ANXA8: variants seen among roughly 807,000 people sequenced by gnomAD.
ANXA8 encodes the protein annexin A8.
A neutral mutation model predicts 26.8 loss-of-function variants in ANXA8; 9 were observed. That is an observed-to-expected ratio of 0.34 (90% CI 0.20 to 0.59). ANXA8 has a LOEUF of 0.59. ANXA8 is among the 20% of genes least tolerant of loss of function. The probability of loss-of-function intolerance (pLI) is 0.84; values close to 1 mark genes in which losing one functional copy is unlikely to be tolerated. For missense variants in ANXA8, 83 were observed against 238.5 expected (o/e 0.35, Z 4.29); for synonymous variants, 39 against 94.8 (o/e 0.41, Z 3.42).
chr10:47,660,432 G>T, the ANXA8 span, among the ~76,000 whole-genome samples: 1 of 150,282 alleles, frequency 6.7e-6, no homozygotes, highest in Non-Finnish European at 1.5e-5. Context: ...AGACAGTCTC[G>T]TCCTGATGGC....
chr10:47,623,276 C>T, the ANXA8 span, among the ~76,000 whole-genome samples: 4 of 109,656 alleles, frequency 3.6e-5, 1 homozygote, highest in East Asian at 8.8e-4. Context: ...CCAATGTTTC[C>T]ACTTATGAGC....
chr10:47,694,344 G>C, the ANXA8 span, among the ~76,000 whole-genome samples: 1 of 150,448 alleles, frequency 6.6e-6, no homozygotes, highest in Non-Finnish European at 1.5e-5. Flanking sequence ...GTCCTAATGA[G>C]TCAGTGAACT....
At chr10:47,560,359 C>G in the ANXA8 span, among the ~76,000 whole-genome samples, 7 of 151,708 alleles carry the variant, frequency 4.6e-5, no homozygotes, top group Non-Finnish European at 1.0e-4. Context: ...TCCACAGGCT[C>G]TAAAAGAGCA....
chr10:47,661,037 A>C, the ANXA8 span, among the ~76,000 whole-genome samples: 9 of 149,616 alleles, frequency 6.0e-5, no homozygotes, highest in South Asian at 8.4e-4. Flanking sequence ...TTCACTTCCT[A>C]GCCTGTCCAT....
At chr10:47,689,495 A>G in the ANXA8 span, among the ~76,000 whole-genome samples, 1 of 151,954 alleles carries the variant, frequency 6.6e-6, no homozygotes. Flanking sequence ...TCTTTAGGTG[A>G]AAAATTTTTG....
chr10:47,700,514 A>G, the ANXA8 span, among the ~76,000 whole-genome samples: 1 of 151,756 alleles, frequency 6.6e-6, no homozygotes, highest in Non-Finnish European at 1.5e-5. Context: ...ATATGGATTA[A>G]TAGTCTAAAT....
the ANXA8 span, among the ~76,000 whole-genome samples, chr10:47,566,410 C>T: frequency 2.0e-5 from 3 of 151,668 alleles, no homozygotes; most frequent in African/African-American, 7.3e-5. Flanking sequence ...ACTTTCTTGC[C>T]ACAAACTGAG....
At chr10:47,937,503 AG>A in the ANXA8 span, among the ~76,000 whole-genome samples, 4 of 145,696 alleles carry the variant, frequency 2.7e-5, no homozygotes, top group Non-Finnish European at 6.1e-5. Context: ...GTACATGTGC[AG>A]GTTTGTTACA....
chr10:47,744,332 T>C, the ANXA8 span, among the ~76,000 whole-genome samples: 1 of 147,724 alleles, frequency 6.8e-6, no homozygotes, highest in African/African-American at 2.5e-5. Flanking sequence ...CATCACCTTC[T>C]AGCTGTGGGA....
chr10:47,971,426 A>G, the ANXA8 span, among the ~76,000 whole-genome samples: 3 of 147,746 alleles, frequency 2.0e-5, no homozygotes, highest in Non-Finnish European at 4.5e-5. Context: ...CTCCTAAATC[A>G]CAAAAACCTT....
the ANXA8 span, among the ~76,000 whole-genome samples, chr10:47,958,495 C>T: frequency 3.4e-5 from 5 of 146,720 alleles, 1 homozygote; most frequent in African/African-American, 1.3e-4. Context: ...AAAAAAGTGT[C>T]ATCTCCACCA....
the ANXA8 span, among the ~76,000 whole-genome samples, chr10:47,619,853 T>C: frequency 8.8e-6 from 1 of 113,526 alleles, no homozygotes; most frequent in Non-Finnish European, 2.0e-5. Context: ...TGAAATAAAC[T>C]TGAGATAAGA....
the ANXA8 span, chr10:47,692,549 C>G: frequency 1.5e-5 from 1 of 67,230 alleles, no homozygotes; most frequent in Non-Finnish European, 3.0e-5. Flanking sequence ...CAACCTGGAC[C>G]AGTTCACCCC....
the ANXA8 span, among the ~76,000 whole-genome samples, chr10:47,743,170 C>CAA: frequency 4.1e-4 from 15 of 36,952 alleles, no homozygotes; most frequent in African/African-American, 1.2e-3. Flanking sequence ...GACTCTGTCT[C>CAA]AAAAAAAAAA....
At chr10:47,939,053 C>T in the ANXA8 span, among the ~76,000 whole-genome samples, 21 of 145,178 alleles carry the variant, frequency 1.4e-4, no homozygotes, top group Non-Finnish European at 2.8e-4. Flanking sequence ...CTGGCCACCA[C>T]ACTCTCACTT....
the ANXA8 span, among the ~76,000 whole-genome samples, chr10:47,656,901 A>G: frequency 6.7e-6 from 1 of 149,170 alleles, no homozygotes; most frequent in African/African-American, 2.5e-5. Context: ...TAGAGAGATT[A>G]GTCAGTTGTC....
chr10:47,488,713 A>ATTTTT (rs1160121365), upstream of ANXA8, among the ~76,000 whole-genome samples: 600 of 62,126 alleles, frequency 9.7e-3, 30 homozygotes, highest in African/African-American at 0.021. Flanking sequence ...TACATGTTAA[A>ATTTTT]TTTTTTTTTT....
At chr10:47,593,835 G>T in the ANXA8 span, among the ~76,000 whole-genome samples, 1 of 145,228 alleles carries the variant, frequency 6.9e-6, no homozygotes, top group African/African-American at 2.8e-5. Flanking sequence ...TGCCAAAGGA[G>T]ATTAACATTT....
upstream of ANXA8, among the ~76,000 whole-genome samples, chr10:47,486,786 C>T (rs1266318235): frequency 2.2e-5 from 3 of 135,406 alleles, no homozygotes; most frequent in African/African-American, 8.2e-5. Context: ...CCCATCTCTA[C>T]TAAAAATAAA....
Sources: allele counts gnomAD v4.1 joint callset (sites outside exome capture counted in the v4.1 genomes callset), GRCh38; gene constraint gnomAD v4.1.1; transcripts MANE v1.5; gene names NCBI Gene and HGNC (gene_info 2026-07-23, HGNC 2026-07-21).